The following ALG2 variants were observed in gnomAD, a reference collection of about 807,000 sequenced individuals.
ALG2 encodes alpha-1,3/1,6-mannosyltransferase ALG2.
ALG2 carries 32 observed loss-of-function variants against 30.5 expected under a neutral mutation model. The observed-to-expected ratio is 1.05, with a 90% CI of 0.79 to 1.41. The LOEUF (loss-of-function observed/expected upper bound fraction) is 1.41, where lower values mean the gene tolerates loss of function less well. Among genes scored for constraint, ALG2 ranks in the 40% most tolerant of loss-of-function variants. The probability of loss-of-function intolerance (pLI) is 0.00; values close to 1 mark genes in which losing one functional copy is unlikely to be tolerated. For missense variants in ALG2, 574 were observed against 526.4 expected, an observed-to-expected ratio of 1.09 and a Z score of -0.88; for synonymous variants, 253 against 224.8, an observed-to-expected ratio of 1.13 and a Z score of -1.12.
Position 99,217,392 on chromosome 9 carries a change from T to A in ALG2, c.*542A>T, listed in dbSNP as rs1240315298. On this transcript the variant is annotated 3_prime_UTR_variant, in exon 2 of 2. Coordinates refer to ENST00000476832, the MANE Select transcript of ALG2 (RefSeq NM_033087.4). ...TTTATGATAAACACCTTTTATTATA[T>A]CTCAGTGTGCAAAAATACAAATTAT... is the stretch of plus-strand genomic sequence containing the variant. 1 of 453,900 alleles carries A rather than the reference T, an allele frequency of 2.2e-6. No homozygotes were observed. Among genetic ancestry groups the A allele is most frequent in the Non-Finnish European group, 4.4e-6 (1 of 226,786 alleles). 28.1% of individuals were successfully genotyped at this position (453,900 alleles called of 1,614,324 possible).
chr9:99,221,933 G>T lies in ALG2; in HGVS notation c.-39C>A, dbSNP rs375742255. On this transcript the variant is annotated 5_prime_UTR_variant, in exon 1 of 2. Coordinates refer to ENST00000476832, the MANE Select transcript of ALG2 (RefSeq NM_033087.4). The stretch of plus-strand genomic sequence containing the variant: ...CAACTGCACCCCGCACCCTGATGGG[G>T]GTCTTCTGCGCAAGCTCCGCGCTCG... 1.9e-6 allele frequency: 3 copies of T among 1,539,550 alleles called. No homozygotes were observed. The East Asian group carries it at 7.0e-5, about 36-fold the overall frequency.
At chr9:99,220,830 G>A in intron 1 of ALG2, 2 of 769,406 alleles carry the variant, frequency 2.6e-6, no homozygotes, top group South Asian at 1.8e-5. Context: ...AGAATAGGAC[G>A]GGGCTTTTAG....
chr9:99,218,924 G>T, intron 1 of ALG2, 88 bp from the exon 2 acceptor site: 1 of 1,427,160 alleles, frequency 7.0e-7, no homozygotes, highest in Non-Finnish European at 9.7e-7. Flanking sequence ...CGTCTGGCTA[G>T]TCTGTGGGCT....
rs1413321425 is a variant in ALG2 at position 99,218,207 on chromosome 9, G to C, written c.978C>G (p.His326Gln). ...TGGCTTCCAGAGGGACAATGCCAAA[G>C]TGCTCATTGCTTGGTGTGTAAAGCA... ...TCVLYTPSNE[H>Q]FGIVPLEAMY... Residue 326 changes from histidine (H) to glutamine (Q), a missense_variant, in exon 2 of 2, where the codon CAC becomes CAG. By Grantham distance (24) the His-to-Gln change is conservative. Coordinates refer to ENST00000476832, the MANE Select transcript of ALG2 (RefSeq NM_033087.4). 6.2e-7 allele frequency: 1 copy of C among 1,614,178 alleles called. No individual in the cohort carries two copies. Among genetic ancestry groups the C allele is most frequent in the Admixed American group, 1.7e-5 (1 of 60,026 alleles).
intron 1 of ALG2, chr9:99,220,978 C>T (rs1432906135): frequency 1.5e-6 from 2 of 1,352,032 alleles, no homozygotes; most frequent in Non-Finnish European, 2.0e-6. Context: ...ACATTATTTA[C>T]CAAGGTAAAA....
rs1828807210 is a variant in ALG2 at position 99,221,682 on chromosome 9, GGC to G, written c.211_212del (p.Ala71ArgfsTer57). On this transcript the variant is annotated frameshift_variant, in exon 1 of 2. Coordinates refer to ENST00000476832, the MANE Select transcript of ALG2 (RefSeq NM_033087.4). LOFTEE classifies it high-confidence loss of function. ...AESRELPVRCAGDWLPRGLGW... is the reference protein window; with the variant it reads ...AESRELPVRCXGDWLPRGLGW... ...CCAGGCCTCGCGGCAGCCAGTCCCC[GGC>G]ACAGCGCACCGGTAGCTCGCGGCTC... 6.4e-7 allele frequency: 1 copy of G among 1,568,404 alleles called. No homozygotes were observed. The highest frequency in any genetic ancestry group is 8.6e-7 in the Non-Finnish European group (1 of 1,162,650).
At position 99,216,645 on chromosome 9, in the gene ALG2, C is replaced by G. The variant is rs1828695419; in HGVS notation, c.*1289G>C. 2 of 453,282 alleles carry G rather than the reference C, an allele frequency of 4.4e-6. No individual in the cohort carries two copies. The highest frequency in any genetic ancestry group is 3.1e-5 in the South Asian group (2 of 64,220). 28.1% of individuals were successfully genotyped at this position (453,282 alleles called of 1,614,324 possible). On this transcript the variant is annotated 3_prime_UTR_variant, in exon 2 of 2. Transcript: ENST00000476832. The stretch of plus-strand genomic sequence containing the variant: ...CATGCAATTTCTAATTTTCAATATC[C>G]CCAAATTGCAAAATACTAATAGCTA...
In ALG2 at chr9:99,221,858, G is replaced by A. The variant is rs1330278935; in HGVS notation, c.37C>T (p.Pro13Ser). 3.8e-6 allele frequency: 6 copies of A among 1,593,078 alleles called. No individual in the cohort carries two copies. The highest frequency in any genetic ancestry group is 3.3e-5 in the South Asian group (3 of 90,602). The change falls in exon 1 of 2, where the codon CCC (proline) becomes TCC (serine). Residue 13 changes from proline to serine, a missense_variant. Physicochemically the swap from Pro to Ser is moderately conservative, Grantham distance 74. Coordinates refer to ENST00000476832, the MANE Select transcript of ALG2 (RefSeq NM_033087.4). Reference sequence around the variant, plus strand: ...TGGAGGAACAGCACCGACGGCTTGGGAACCGAGTCCCGTTCCCGGCCCTGC... The same window carrying A: ...TGGAGGAACAGCACCGACGGCTTGGAAACCGAGTCCCGTTCCCGGCCCTGC... ...EEQGRERDSVPKPSVLFLHPD... is the reference protein window; with the variant it reads ...EEQGRERDSVSKPSVLFLHPD...
At position 99,221,886 on chromosome 9, in the gene ALG2, C is replaced by A; in HGVS notation, c.9G>T (p.Glu3Asp). Residue 3 changes from glutamate to aspartate, a missense_variant, in exon 1 of 2, where the codon GAG becomes GAT. Glu to Asp is a conservative substitution (Grantham distance 45, BLOSUM62 2). Coordinates refer to ENST00000476832, the MANE Select transcript of ALG2 (RefSeq NM_033087.4). ...CCGAGTCCCGTTCCCGGCCCTGCTCCTCCGCCATGGCCCTGGAGCCGCAAC... is the reference window on the plus strand; with the variant it reads ...CCGAGTCCCGTTCCCGGCCCTGCTCATCCGCCATGGCCCTGGAGCCGCAAC... The part of the protein sequence containing the change: MA[E>D]EQGRERDSVP... The A allele has an allele frequency of 6.3e-7, 1 of 1,587,828 alleles. No homozygotes were observed. The highest frequency in any genetic ancestry group is 1.1e-5 in the South Asian group (1 of 89,860).
Position 99,218,157 on chromosome 9 carries a change from G to A in ALG2, c.1028C>T (p.Ala343Val). The A allele has an allele frequency of 1.2e-6, 2 of 1,611,778 alleles. No homozygotes were observed. Among genetic ancestry groups the A allele is most frequent in the South Asian group, 1.1e-5 (1 of 91,018 alleles). Reference sequence around the variant, plus strand: ...CTCCAAGGGTCCACCCGAATTAACAGCAATGACTGGGCACTGCATGTACAT... The same window carrying A: ...CTCCAAGGGTCCACCCGAATTAACAACAATGACTGGGCACTGCATGTACAT... ...EAMYMQCPVI[A>V]VNSGGPLESI... Residue 343 changes from alanine to valine, a missense_variant, in exon 2 of 2, where the codon GCT (alanine) becomes GTT (valine). Ala to Val is a moderately conservative substitution (Grantham distance 64). Transcript: ENST00000476832.
At chr9:99,220,695 T>A (rs906164249) in intron 1 of ALG2, among the ~76,000 whole-genome samples, 3 of 152,176 alleles carry the variant, frequency 2.0e-5, no homozygotes, top group African/African-American at 7.2e-5. Context: ...ATAGTAGGTA[T>A]GTCATAATAC....
At chr9:99,221,239 C>G in intron 1 of ALG2, 1 of 1,196,754 alleles carries the variant, frequency 8.4e-7, no homozygotes, top group Non-Finnish European at 1.1e-6. Flanking sequence ...ACCAGCGTTT[C>G]TCAGAGCCCC....
intron 1 of ALG2, among the ~76,000 whole-genome samples, chr9:99,219,667 T>A (rs1216839243): frequency 6.6e-6 from 1 of 152,250 alleles, no homozygotes; most frequent in Non-Finnish European, 1.5e-5. Context: ...ACTACAGACT[T>A]TCTTGTTGGG....
chr9:99,221,480 G>C (rs1352798770), intron 1 of ALG2, 67 bp downstream of exon 1: 1 of 1,486,456 alleles, frequency 6.7e-7, no homozygotes, highest in Non-Finnish European at 9.1e-7. Context: ...TCTCTCAGGG[G>C]TCATGCCCGC....
At position 99,216,648 on chromosome 9, in the gene ALG2, A is replaced by G; in HGVS notation, c.*1286T>C. 2.2e-6 allele frequency: 1 copy of G among 453,620 alleles called. No individual in the cohort carries two copies. Among genetic ancestry groups the G allele is most frequent in the South Asian group, 1.6e-5 (1 of 64,278 alleles). The allele number at this position is 453,620 out of a possible 1,614,324, so 28.1% of individuals were successfully genotyped here. ...GCAATTTCTAATTTTCAATATCCCC[A>G]AATTGCAAAATACTAATAGCTAATA... is the stretch of plus-strand genomic sequence containing the variant. On this transcript the variant is annotated 3_prime_UTR_variant, in exon 2 of 2. Coordinates refer to ENST00000476832, the MANE Select transcript of ALG2 (RefSeq NM_033087.4).
chr9:99,218,366 T>G lies in ALG2; in HGVS notation c.819A>C (p.Arg273Ser). The G allele has an allele frequency of 8.7e-6, 14 of 1,614,192 alleles. No individual in the cohort carries two copies. The highest frequency in any genetic ancestry group is 1.2e-5 in the Non-Finnish European group (14 of 1,180,030). ...HLIVAGGYDE[R>S]VLENVEHYQE... The stretch of plus-strand genomic sequence containing the variant: ...GATAATGTTCCACATTCTCCAGGAC[T>G]CTCTCGTCATAACCACCTGCCACGA... Residue 273 changes from arginine (R) to serine (S), a missense_variant, in exon 2 of 2, where the codon AGA (arginine) becomes AGC (serine). Physicochemically the swap from Arg to Ser is moderately radical, Grantham distance 110 (BLOSUM62 -1). Coordinates refer to ENST00000476832, the MANE Select transcript of ALG2 (RefSeq NM_033087.4).
chr9:99,221,507 G>C (rs977329611), intron 1 of ALG2, 40 bp downstream of exon 1: 22 of 1,534,866 alleles, frequency 1.4e-5, no homozygotes, highest in Non-Finnish European at 1.9e-5. Flanking sequence ...CCTCCACGGC[G>C]AGGTCCGCAC....
At chr9:99,221,101 C>A in intron 1 of ALG2, 1 of 1,363,114 alleles carries the variant, frequency 7.3e-7, no homozygotes, top group Non-Finnish European at 9.7e-7. Context: ...ACGGTGTGGC[C>A]TGGCTCCGAA....
Position 99,217,980 on chromosome 9 carries a change from G to A in ALG2, c.1205C>T (p.Ala402Val), listed in dbSNP as rs1828723014. The stretch of plus-strand genomic sequence containing the variant: ...ATATCGGTAGAGCTGTTCTGTAAAT[G>A]CTTCAGGGGAAAATTTTTCCTTCAC... The part of the protein sequence containing the change: ...ARVKEKFSPE[A>V]FTEQLYRYVT... Residue 402 changes from alanine to valine, a missense_variant, in exon 2 of 2, where the codon GCA becomes GTA. By Grantham distance (64) the Ala-to-Val change is moderately conservative. Coordinates refer to ENST00000476832, the MANE Select transcript of ALG2 (RefSeq NM_033087.4). 1.2e-6 allele frequency: 2 copies of A among 1,614,230 alleles called. No individual in the cohort carries two copies. The highest frequency in any genetic ancestry group is 4.5e-5 in the East Asian group (2 of 44,890).
Sources: allele counts gnomAD v4.1 joint callset (sites outside exome capture counted in the v4.1 genomes callset), GRCh38; gene constraint gnomAD v4.1.1; transcripts MANE v1.5; gene names NCBI Gene and HGNC (gene_info 2026-07-23, HGNC 2026-07-21).